Variants in TOM1L2 observed in about 807,000 individuals in gnomAD.
TOM1L2 encodes the protein TOM1-like protein 2.
A neutral mutation model predicts 67.9 loss-of-function variants in TOM1L2; 31 were observed. The ratio of observed to expected loss-of-function variants is 0.46; its 90% CI spans 0.34 to 0.62. The LOEUF (loss-of-function observed/expected upper bound fraction) is 0.62. Ranked by LOEUF, TOM1L2 falls within the 20% of genes least tolerant of loss-of-function variation. The pLI, the probability that TOM1L2 is intolerant of heterozygous loss-of-function variation, is 0.01. For missense variants in TOM1L2, 606 were observed against 663.5 expected (o/e 0.91, Z 0.95); for synonymous variants, 256 against 254.0 (o/e 1.01, Z -0.07).
At chr17:17,929,492 G>T (rs1379477268) in intron 1 of TOM1L2, among the ~76,000 whole-genome samples, 1 of 152,202 alleles carries the variant, frequency 6.6e-6, no homozygotes, top group South Asian at 2.1e-4. Flanking sequence ...TTAGCCAGGC[G>T]TGGTGGAATG....
chr17:17,903,346 G>A (rs941624777), intron 2 of TOM1L2, among the ~76,000 whole-genome samples: 2 of 152,210 alleles, frequency 1.3e-5, no homozygotes, highest in Non-Finnish European at 2.9e-5. Context: ...GTAATTGGCT[G>A]GGCGCGGTGG....
intron 7 of TOM1L2, among the ~76,000 whole-genome samples, chr17:17,877,880 A>G (rs1452372270): frequency 6.6e-6 from 1 of 151,200 alleles, no homozygotes; most frequent in African/African-American, 2.4e-5. Context: ...GCTTGTTTAA[A>G]AAAAAAAAAA....
At chr17:17,907,598 GAA>G in intron 1 of TOM1L2, 67 bp from the exon 2 acceptor site, 1 of 1,388,368 alleles carries the variant, frequency 7.2e-7, no homozygotes, top group Admixed American at 1.8e-5. Context: ...CAGGAAATGG[GAA>G]GAGACCAGAA....
chr17:17,928,587 G>A (rs2040193917), intron 1 of TOM1L2, among the ~76,000 whole-genome samples: 1 of 152,192 alleles, frequency 6.6e-6, no homozygotes, highest in African/African-American at 2.4e-5. Context: ...CCCCGCGTGA[G>A]CATGCACACA....
chr17:17,902,967 G>A (rs1224730842), intron 2 of TOM1L2, among the ~76,000 whole-genome samples: 1 of 152,166 alleles, frequency 6.6e-6, no homozygotes, highest in African/African-American at 2.4e-5. Context: ...CGCACAATAA[G>A]CGAGTGGTGA....
At chr17:17,892,160 A>C (rs1010091544) in intron 4 of TOM1L2, among the ~76,000 whole-genome samples, 6 of 152,154 alleles carry the variant, frequency 3.9e-5, no homozygotes, top group Non-Finnish European at 7.3e-5. Flanking sequence ...GAGGAGGAGG[A>C]GTCACTGCTC....
chr17:17,886,735 G>A (rs1230782467), intron 4 of TOM1L2, among the ~76,000 whole-genome samples: 19 of 152,216 alleles, frequency 1.2e-4, no homozygotes, highest in Admixed American at 1.2e-3. Flanking sequence ...GAGATAATAG[G>A]AATAAAGATG....
At chr17:17,904,682 G>A (rs2039008914) in intron 2 of TOM1L2, among the ~76,000 whole-genome samples, 1 of 152,184 alleles carries the variant, frequency 6.6e-6, no homozygotes. Flanking sequence ...GCAGACACCA[G>A]AGAATGCAGC....
chr17:17,873,182 A>G (rs2037242021), intron 7 of TOM1L2, among the ~76,000 whole-genome samples: 3 of 152,112 alleles, frequency 2.0e-5, no homozygotes, highest in Admixed American at 2.0e-4. Flanking sequence ...ATGTTTCCCC[A>G]CTCCAGTATT....
At chr17:17,913,894 C>T (rs1465387402) in intron 1 of TOM1L2, among the ~76,000 whole-genome samples, 1 of 152,184 alleles carries the variant, frequency 6.6e-6, no homozygotes, top group Non-Finnish European at 1.5e-5. Flanking sequence ...CCTTGTAGCC[C>T]TACCAAAGTG....
At chr17:17,909,727 T>G (rs1598315022) in intron 1 of TOM1L2, among the ~76,000 whole-genome samples, 2 of 152,162 alleles carry the variant, frequency 1.3e-5, no homozygotes, top group South Asian at 4.1e-4. Flanking sequence ...CTGAACTGTA[T>G]ACTTTAAAAT....
intron 10 of TOM1L2, among the ~76,000 whole-genome samples, chr17:17,863,871 T>C (rs2036699117): frequency 6.6e-6 from 1 of 151,724 alleles, no homozygotes. Flanking sequence ...TTGTTGTTGT[T>C]GTTGTTTTGT....
intron 1 of TOM1L2, among the ~76,000 whole-genome samples, chr17:17,927,343 A>G (rs1214977306): frequency 6.6e-6 from 1 of 152,198 alleles, no homozygotes; most frequent in East Asian, 1.9e-4. Context: ...CTACCACCCT[A>G]TGTGGCGCAA....
Position 17,878,028 on chromosome 17 carries a change from C to T in TOM1L2, c.777+1599G>A, listed in dbSNP as rs191340185. On this transcript the variant is annotated intron_variant, in intron 7 of 14. Transcript: ENST00000379504. The stretch of plus-strand genomic sequence containing the variant: ...ACGGCTCTATCCAGAGCAAATCCCC[C>T]CTGTCAGCAGGAATTCCGACGCTGA... Among the ~76,000 whole-genome samples, 495 of 152,352 alleles carry T rather than the reference C, an allele frequency of 3.2e-3. 3 individuals carry two copies. The highest frequency in any genetic ancestry group is 4.4e-3 in the Non-Finnish European group (300 of 68,038).
intron 1 of TOM1L2, among the ~76,000 whole-genome samples, chr17:17,928,968 C>A (rs1008598213): frequency 5.9e-5 from 9 of 152,328 alleles, no homozygotes; most frequent in Admixed American, 5.9e-4. Flanking sequence ...TAGATCCTTG[C>A]TGGACCACAC....
At chr17:17,964,602 A>C (rs2041811234) in intron 1 of TOM1L2, among the ~76,000 whole-genome samples, 1 of 152,120 alleles carries the variant, frequency 6.6e-6, no homozygotes, top group Non-Finnish European at 1.5e-5. Context: ...TGTAAAAAGC[A>C]CAATGAAAGG....
At chr17:17,917,735 G>T (rs1231517742) in intron 1 of TOM1L2, among the ~76,000 whole-genome samples, 1 of 152,014 alleles carries the variant, frequency 6.6e-6, no homozygotes, top group Non-Finnish European at 1.5e-5. Flanking sequence ...TGGGAAGACT[G>T]CTTGAGCTCA....
intron 1 of TOM1L2, among the ~76,000 whole-genome samples, chr17:17,947,209 TG>T (rs36043265): frequency 6.6e-6 from 1 of 151,178 alleles, no homozygotes; most frequent in South Asian, 2.1e-4. Context: ...TTTTATACGG[TG>T]GGGGGGTCTC....
Position 17,955,325 on chromosome 17 carries a change from CTTT to C in TOM1L2, c.52+16934_52+16936del, listed in dbSNP as rs67575563. On this transcript the variant is annotated intron_variant, in intron 1 of 14. Transcript: ENST00000379504. ...GGCAGGACCCCAGACCACACAATTC[CTTT>C]TTTTTTTTTTTTTTTTTTTTTTGTT... 1.6e-3 allele frequency among the ~76,000 whole-genome samples: 173 copies of C among 108,114 alleles called. 1 individual carries two copies. Among genetic ancestry groups the C allele is most frequent in the Non-Finnish European group, 1.9e-3 (111 of 57,884 alleles). 70.9% of individuals were successfully genotyped at this position (108,114 alleles called of 152,430 possible). A position where few individuals can be genotyped will look rare whatever the true frequency, so the allele number is the denominator to read the frequency against.
Sources: gnomAD v4.1 joint callset for allele counts (sites outside exome capture counted in the v4.1 genomes callset) on GRCh38, gnomAD v4.1.1 for gene constraint, MANE v1.5 for transcripts, NCBI Gene and HGNC (gene_info 2026-07-23, HGNC 2026-07-21) for gene names.